CLSTN2: variants seen among roughly 807,000 people sequenced by gnomAD.
The protein encoded by CLSTN2 is calsyntenin 2, also known as calsyntenin-2.
CLSTN2 carries 48 observed loss-of-function variants against 101.2 expected under a neutral mutation model. The ratio of observed to expected loss-of-function variants is 0.47; its 90% CI spans 0.38 to 0.60. The LOEUF (loss-of-function observed/expected upper bound fraction) is 0.60, where lower values mean the gene tolerates loss of function less well. Ranked by LOEUF, CLSTN2 falls within the 20% of genes least tolerant of loss-of-function variation. The pLI, the probability that CLSTN2 is intolerant of heterozygous loss-of-function variation, is 0.00. For missense variants in CLSTN2, 1,160 were observed against 1,238.2 expected (o/e 0.94, Z 0.95); for synonymous variants, 481 against 463.6 (o/e 1.04, Z -0.48).
intron 1 of CLSTN2, among the ~76,000 whole-genome samples, chr3:140,041,398 A>G (rs1339929967): frequency 4.6e-5 from 7 of 152,294 alleles, no homozygotes; most frequent in Admixed American, 2.6e-4. Context: ...GTCTCTCCAT[A>G]TCCAGGAAGT....
At chr3:140,428,444 G>A (rs347328) in intron 5 of CLSTN2, among the ~76,000 whole-genome samples, 56,943 of 151,898 alleles carry the variant, frequency 0.37, 11,544 homozygotes, top group East Asian at 0.73. Context: ...GAGAGCCACC[G>A]GAGACTTTCC....
At position 140,570,411 on chromosome 3, in the gene CLSTN2, T is replaced by A. The variant is rs1241521569; in HGVS notation, c.*4158T>A. ...GTATTATAAGTAACCTAGAGATGAT[T>A]TGAAGAACACAGGAAGTTGTGCATA... On this transcript the variant is annotated 3_prime_UTR_variant, in exon 17 of 17. Transcript: ENST00000458420. 2 of 152,230 alleles carry A rather than the reference T, an allele frequency of 1.3e-5. No individual in the cohort carries two copies. The highest frequency in any genetic ancestry group is 2.9e-5 in the Non-Finnish European group (2 of 68,034). 9.4% of individuals were successfully genotyped at this position (152,230 alleles called of 1,614,324 possible). A position where few individuals can be genotyped will look rare whatever the true frequency, so the allele number is the denominator to read the frequency against.
intron 1 of CLSTN2, among the ~76,000 whole-genome samples, chr3:140,050,688 A>T (rs1246803069): frequency 2.0e-5 from 3 of 152,108 alleles, no homozygotes; most frequent in African/African-American, 7.2e-5. Context: ...GTTTTGTCAA[A>T]CCCAGCCAGA....
At chr3:140,001,586 A>G (rs2006841737) in intron 1 of CLSTN2, among the ~76,000 whole-genome samples, 1 of 152,160 alleles carries the variant, frequency 6.6e-6, no homozygotes, top group Non-Finnish European at 1.5e-5. Flanking sequence ...TGGGGTATCT[A>G]TCCCCTCAGC....
chr3:140,516,274 T>C (rs1176834719), intron 8 of CLSTN2, among the ~76,000 whole-genome samples: 1 of 152,210 alleles, frequency 6.6e-6, no homozygotes, highest in African/African-American at 2.4e-5. Context: ...GGTTGGTGAA[T>C]TTTTATCCAT....
intron 7 of CLSTN2, among the ~76,000 whole-genome samples, chr3:140,463,135 T>A (rs551922437): frequency 6.6e-6 from 1 of 152,174 alleles, no homozygotes; most frequent in Non-Finnish European, 1.5e-5. Flanking sequence ...CAGTGCACTT[T>A]CCAGTCACCT....
chr3:140,413,043 A>T (rs1047955534), intron 4 of CLSTN2, among the ~76,000 whole-genome samples: 3 of 152,178 alleles, frequency 2.0e-5, no homozygotes, highest in African/African-American at 7.2e-5. Context: ...AATAACAAAG[A>T]TTAGAACAGA....
At chr3:140,243,316 T>C (rs2086486975) in intron 2 of CLSTN2, among the ~76,000 whole-genome samples, 1 of 152,234 alleles carries the variant, frequency 6.6e-6, no homozygotes, top group African/African-American at 2.4e-5. Context: ...TCAATATTTT[T>C]ATCCAGACTT....
intron 2 of CLSTN2, among the ~76,000 whole-genome samples, chr3:140,328,762 T>G (rs2087354367): frequency 6.6e-6 from 1 of 152,176 alleles, no homozygotes; most frequent in African/African-American, 2.4e-5. Flanking sequence ...CTCAGTTTCC[T>G]AACATTTAAA....
rs1207511264 is a variant in CLSTN2, at chr3:140,171,660, ATT to A, written c.110-4290_110-4289del. Among the ~76,000 whole-genome samples, 36 of 19,992 alleles carry A rather than the reference ATT, an allele frequency of 1.8e-3. 1 individual carries two copies. The highest frequency in any genetic ancestry group is 0.015 in the East Asian group (1 of 68). 13.1% of individuals were successfully genotyped at this position (19,992 alleles called of 152,430 possible). ...ATATTATATATAATACGTATTATATATTATATATAATATGTATTATATATAAT... is the reference window on the plus strand; with the variant it reads ...ATATTATATATAATACGTATTATATAATATATAATATGTATTATATATAAT... On this transcript the variant is annotated intron_variant, in intron 1 of 16. Coordinates refer to ENST00000458420, the MANE Select transcript of CLSTN2 (RefSeq NM_022131.3).
chr3:140,448,270 C>G (rs1933143966), intron 5 of CLSTN2, among the ~76,000 whole-genome samples: 2 of 151,846 alleles, frequency 1.3e-5, no homozygotes, highest in Non-Finnish European at 2.9e-5. Flanking sequence ...CGTGCCTGCA[C>G]ATGTTTTGTG....
intron 1 of CLSTN2, among the ~76,000 whole-genome samples, chr3:140,031,150 C>T (rs1369538209): frequency 6.6e-6 from 1 of 152,144 alleles, no homozygotes; most frequent in Non-Finnish European, 1.5e-5. Flanking sequence ...AAACTGGCAG[C>T]AGTTTTCCTA....
chr3:140,090,833 A>G (rs2008768910), intron 1 of CLSTN2, among the ~76,000 whole-genome samples: 2 of 152,154 alleles, frequency 1.3e-5, no homozygotes, highest in South Asian at 4.2e-4. Flanking sequence ...AAGGAGGTGT[A>G]CGGGGGCAGG....
rs577526803 is a variant in CLSTN2 at position 140,094,445 on chromosome 3, C to G, written c.110-81506C>G. Among the ~76,000 whole-genome samples the G allele has an allele frequency of 1.3e-3, 195 of 152,174 alleles. 1 individual carries two copies. Among genetic ancestry groups the G allele is most frequent in the African/African-American group, 4.4e-3 (182 of 41,526 alleles). On this transcript the variant is annotated intron_variant, in intron 1 of 16. Transcript: ENST00000458420. Reference sequence around the variant, plus strand: ...ATGCCCTTTGAAAAATAAAACTGACCTTATATTTTCCTGGGGCTGGCTGAT... The same window carrying G: ...ATGCCCTTTGAAAAATAAAACTGACGTTATATTTTCCTGGGGCTGGCTGAT...
At chr3:140,488,638 CTTT>C (rs66504085) in intron 8 of CLSTN2, among the ~76,000 whole-genome samples, 4,900 of 73,650 alleles carry the variant, frequency 0.067, 237 homozygotes, top group East Asian at 0.29. Flanking sequence ...TTAATACGTG[CTTT>C]TTTTTTTTTT....
intron 4 of CLSTN2, among the ~76,000 whole-genome samples, chr3:140,417,133 CA>C (rs1320812417): frequency 6.6e-6 from 1 of 152,110 alleles, no homozygotes; most frequent in Non-Finnish European, 1.5e-5. Flanking sequence ...AGTTTTTAAA[CA>C]AAATTAGGGC....
chr3:140,431,177 T>C (rs1439702167), intron 5 of CLSTN2, among the ~76,000 whole-genome samples: 1 of 152,220 alleles, frequency 6.6e-6, no homozygotes, highest in Non-Finnish European at 1.5e-5. Context: ...CAACTTTCAT[T>C]TCCTTGATTG....
rs1985496499 is a variant in CLSTN2 at position 140,570,437 on chromosome 3, G to A, written c.*4184G>A. ...TGAAGAACACAGGAAGTTGTGCATA[G>A]GCTATATGCAAATACTATGCATTTT... On this transcript the variant is annotated 3_prime_UTR_variant, in exon 17 of 17. Transcript: ENST00000458420. 6.6e-6 allele frequency: 1 copy of A among 152,182 alleles called. No individual in the cohort carries two copies. The highest frequency in any genetic ancestry group is 6.5e-5 in the Admixed American group (1 of 15,282). The allele number at this position is 152,182 out of a possible 1,614,324, so 9.4% of individuals were successfully genotyped here.
At position 140,310,980 on chromosome 3, in the gene CLSTN2, G is replaced by A. The variant is rs1031375936; in HGVS notation, c.233-92649G>A. On this transcript the variant is annotated intron_variant, in intron 2 of 16. Coordinates refer to ENST00000458420, the MANE Select transcript of CLSTN2 (RefSeq NM_022131.3). Reference sequence around the variant, plus strand: ...CTGCCATTCCAGAGCATCCCAGGCCGAAGGAACGGCCTGTGTAAAGGGCCT... The same window carrying A: ...CTGCCATTCCAGAGCATCCCAGGCCAAAGGAACGGCCTGTGTAAAGGGCCT... 5.9e-5 allele frequency among the ~76,000 whole-genome samples: 9 copies of A among 152,176 alleles called. No homozygotes were observed. In the South Asian group the frequency reaches 1.0e-3, roughly 18 times the overall value.
Sources: allele counts gnomAD v4.1 joint callset (sites outside exome capture counted in the v4.1 genomes callset), GRCh38; gene constraint gnomAD v4.1.1; transcripts MANE v1.5; gene names NCBI Gene and HGNC (gene_info 2026-07-23, HGNC 2026-07-21).